ARHGAP28: variants seen among roughly 807,000 people sequenced by gnomAD.
ARHGAP28 encodes the protein rho GTPase-activating protein 28.
Under a neutral mutation model 90.7 loss-of-function variants are expected in ARHGAP28, and 56 were observed. That is an observed-to-expected ratio of 0.62 (90% confidence interval 0.50 to 0.77). ARHGAP28 has a LOEUF of 0.77. Ranked by LOEUF, ARHGAP28 falls within the 30% of genes least tolerant of loss-of-function variation. The pLI is 0.00. For synonymous variants in ARHGAP28, 308 were observed against 323.3 expected, an observed-to-expected ratio of 0.95 and a Z score of 0.51; for missense variants, 869 against 900.9, an observed-to-expected ratio of 0.96 and a Z score of 0.45.
intron 1 of ARHGAP28, among the ~76,000 whole-genome samples, chr18:6,758,284 C>A (rs1311160600): frequency 6.6e-6 from 1 of 151,826 alleles, no homozygotes; most frequent in Non-Finnish European, 1.5e-5. Flanking sequence ...CTAAGACTGT[C>A]CTTTTTTGCT....
intron 1 of ARHGAP28, among the ~76,000 whole-genome samples, chr18:6,758,296 C>T (rs938042049): frequency 8.6e-5 from 13 of 151,060 alleles, no homozygotes; most frequent in African/African-American, 2.4e-4. Context: ...TTTTTTGCTT[C>T]GGTTTAGGGC....
chr18:6,756,016 G>A (rs1490210732), intron 1 of ARHGAP28, among the ~76,000 whole-genome samples: 1 of 152,186 alleles, frequency 6.6e-6, no homozygotes, highest in African/African-American at 2.4e-5. Flanking sequence ...AAGGGTAGGA[G>A]TCCTTGGAGC....
intron 1 of ARHGAP28, among the ~76,000 whole-genome samples, chr18:6,753,012 C>G (rs2056082412): frequency 6.6e-6 from 1 of 151,836 alleles, no homozygotes; most frequent in South Asian, 2.1e-4. Context: ...ATTAATAGAC[C>G]CTCAAGCTTT....
intron 10 of ARHGAP28, among the ~76,000 whole-genome samples, chr18:6,878,090 A>G (rs2057146940): frequency 6.6e-6 from 1 of 152,140 alleles, no homozygotes; most frequent in South Asian, 2.1e-4. Flanking sequence ...AGAAAACATT[A>G]CAGAGCATTG....
chr18:6,841,170 C>CTCTCACTGTCTCTCTCCTCTT (rs1555631460), intron 3 of ARHGAP28, among the ~76,000 whole-genome samples: 8 of 81,162 alleles, frequency 9.9e-5, no homozygotes, highest in Admixed American at 5.3e-4. Flanking sequence ...TCTCTCTCCT[C>CTCTCACTGTCTCTCTCCTCTT]TCTCTCTCTC....
chr18:6,868,444 A>T (rs2057055338), intron 6 of ARHGAP28, among the ~76,000 whole-genome samples: 1 of 152,184 alleles, frequency 6.6e-6, no homozygotes, highest in Non-Finnish European at 1.5e-5. Context: ...CCAGATTGGA[A>T]GCAGAATCTT....
At chr18:6,908,246 T>G (rs112835292) in intron 16 of ARHGAP28, among the ~76,000 whole-genome samples, 3,076 of 152,206 alleles carry the variant, frequency 0.02, 86 homozygotes, top group African/African-American at 0.071. Flanking sequence ...CAAGCAATTC[T>G]CCTGCCTCGG....
At chr18:6,789,000 A>C (rs1426692900) in intron 1 of ARHGAP28, 1 of 152,226 alleles carries the variant, frequency 6.6e-6, no homozygotes, top group Non-Finnish European at 1.5e-5. Flanking sequence ...ATTTGAATTG[A>C]GTCTTAAAGG....
intron 1 of ARHGAP28, among the ~76,000 whole-genome samples, chr18:6,751,566 C>T (rs2056069382): frequency 6.6e-6 from 1 of 152,168 alleles, no homozygotes; most frequent in Non-Finnish European, 1.5e-5. Context: ...GAGGAATATA[C>T]ATGGAAATTG....
In ARHGAP28 at chr18:6,913,473, A is replaced by AT. The variant is rs2057409352; in HGVS notation, c.*1321dup. 6.6e-6 allele frequency: 1 copy of AT among 152,182 alleles called. No homozygotes were observed. Among genetic ancestry groups the AT allele is most frequent in the South Asian group, 2.1e-4 (1 of 4,836 alleles). 9.4% of individuals were successfully genotyped at this position (152,182 alleles called of 1,614,324 possible). ...TAGATTGAGATTTTGATGAATTTAT[A>AT]TTGGTTTTAATGAGACCCAAATGAC... is the stretch of plus-strand genomic sequence containing the variant. On this transcript the variant is annotated 3_prime_UTR_variant, in exon 18 of 18. Transcript: ENST00000383472.
At chr18:6,826,041 C>T (rs1360714929) in intron 2 of ARHGAP28, among the ~76,000 whole-genome samples, 1 of 151,774 alleles carries the variant, frequency 6.6e-6, no homozygotes, top group Non-Finnish European at 1.5e-5. Context: ...AGCTGCTTTC[C>T]ACAGTGGCTG....
Position 6,870,695 on chromosome 18 carries a change from A to C in ARHGAP28, c.917A>C (p.Lys306Thr), listed in dbSNP as rs779490362. 17 of 1,610,716 alleles carry C rather than the reference A, an allele frequency of 1.1e-5. No homozygotes were observed. The highest frequency in any genetic ancestry group is 1.4e-5 in the Non-Finnish European group (16 of 1,178,834). ...VTEALKRNKL[K>T]KSEIKKEDYV... Reference sequence around the variant, plus strand: ...GAGGCTCTAAAAAGAAATAAACTTAAGAAATCAGAGATTAAGAAAGAAGAC... The same window carrying C: ...GAGGCTCTAAAAAGAAATAAACTTACGAAATCAGAGATTAAGAAAGAAGAC... The change falls in exon 7 of 18, where the codon AAG becomes ACG. Residue 306 changes from lysine (K) to threonine (T), a missense_variant. Coordinates refer to ENST00000383472, the MANE Select transcript of ARHGAP28 (RefSeq NM_001366230.1).
At chr18:6,771,905 T>C (rs957093694) in intron 1 of ARHGAP28, among the ~76,000 whole-genome samples, 1 of 152,184 alleles carries the variant, frequency 6.6e-6, no homozygotes. Context: ...AGAGGAAACA[T>C]ACAAATGATA....
intron 1 of ARHGAP28, among the ~76,000 whole-genome samples, chr18:6,814,278 C>T (rs2056575966): frequency 6.6e-6 from 1 of 152,108 alleles, no homozygotes; most frequent in Non-Finnish European, 1.5e-5. Context: ...TCAGGGAAAG[C>T]CTGTGAAGCT....
chr18:6,873,716 C>T lies in ARHGAP28; in HGVS notation c.1153C>T (p.Leu385Phe). The T allele has an allele frequency of 6.2e-7, 1 of 1,613,874 alleles. No homozygotes were observed. The highest frequency in any genetic ancestry group is 8.5e-7 in the Non-Finnish European group (1 of 1,179,970). ...NGIFGVPLTV[L>F]LDGDRKKDPG... ...GATTTTTGGAGTTCCACTTACAGTC[C>T]TCCTGGACGGTGACCGAAAGAAAGA... The change falls in exon 9 of 18, where the codon CTC (leucine) becomes TTC (phenylalanine). Residue 385 changes from leucine to phenylalanine, a missense_variant. Coordinates refer to ENST00000383472, the MANE Select transcript of ARHGAP28 (RefSeq NM_001366230.1).
At chr18:6,750,504 TC>T in intron 1 of ARHGAP28, among the ~76,000 whole-genome samples, 1 of 152,356 alleles carries the variant, frequency 6.6e-6, no homozygotes, top group Admixed American at 6.5e-5. Flanking sequence ...TTAGTCTGTT[TC>T]CTGTTTCTAT....
At chr18:6,762,716 G>C (rs939557322) in intron 1 of ARHGAP28, among the ~76,000 whole-genome samples, 1 of 151,984 alleles carries the variant, frequency 6.6e-6, no homozygotes, top group African/African-American at 2.4e-5. Context: ...TAGGACAGAG[G>C]GAAGACTAAG....
intron 1 of ARHGAP28, among the ~76,000 whole-genome samples, chr18:6,756,490 A>G (rs1032014481): frequency 6.6e-6 from 1 of 152,228 alleles, no homozygotes; most frequent in East Asian, 1.9e-4. Context: ...CTTAATATAC[A>G]AATTATTGAT....
At position 6,915,630 on chromosome 18, in the gene ARHGAP28, A is replaced by C. The variant is rs1438083086; in HGVS notation, c.*3476A>C. 2 of 152,214 alleles carry C rather than the reference A, an allele frequency of 1.3e-5. No individual in the cohort carries two copies. Among genetic ancestry groups the C allele is most frequent in the Admixed American group, 1.3e-4 (2 of 15,282 alleles). 9.4% of individuals were successfully genotyped at this position (152,214 alleles called of 1,614,324 possible). A position where few individuals can be genotyped will look rare whatever the true frequency, so the allele number is the denominator to read the frequency against. ...TTGCCCATCTCAAAAGCTAATATTGATTCTTCTGTTCCATCAGCTTTCATT... is the reference window on the plus strand; with the variant it reads ...TTGCCCATCTCAAAAGCTAATATTGCTTCTTCTGTTCCATCAGCTTTCATT... On this transcript the variant is annotated 3_prime_UTR_variant, in exon 18 of 18. Coordinates refer to ENST00000383472, the MANE Select transcript of ARHGAP28 (RefSeq NM_001366230.1).
Sources: allele counts gnomAD v4.1 joint callset (sites outside exome capture counted in the v4.1 genomes callset), GRCh38; gene constraint gnomAD v4.1.1; transcripts MANE v1.5; gene names NCBI Gene and HGNC (gene_info 2026-07-23, HGNC 2026-07-21).